The following SLC49A4 variants were observed in gnomAD, a reference collection of about 807,000 sequenced individuals.
SLC49A4 encodes the protein disrupted in renal cancer protein 2.
A neutral mutation model predicts 50.6 loss-of-function variants in SLC49A4; 36 were observed. That is an observed-to-expected ratio of 0.71 (90% confidence interval 0.55 to 0.94). The LOEUF is 0.94. SLC49A4 is among the 40% of genes least tolerant of loss of function. The pLI is 0.00. For synonymous variants in SLC49A4, 248 were observed against 241.2 expected, an observed-to-expected ratio of 1.03 and a Z score of -0.26; for missense variants, 503 against 605.7, an observed-to-expected ratio of 0.83 and a Z score of 1.78.
chr3:122,841,266 C>A (rs1936765492), intron 4 of SLC49A4, among the ~76,000 whole-genome samples: 1 of 152,186 alleles, frequency 6.6e-6, no homozygotes, highest in African/African-American at 2.4e-5. Context: ...TTATTTTGCT[C>A]TGCTGTAGCA....
At chr3:122,823,193 C>T (rs1178726090) in intron 2 of SLC49A4, among the ~76,000 whole-genome samples, 1 of 152,204 alleles carries the variant, frequency 6.6e-6, no homozygotes, top group Non-Finnish European at 1.5e-5. Context: ...AAGCCTGTTT[C>T]CCAGGCCTGC....
intron 2 of SLC49A4, among the ~76,000 whole-genome samples, chr3:122,823,350 G>A (rs1936479973): frequency 6.6e-6 from 1 of 152,234 alleles, no homozygotes; most frequent in Non-Finnish European, 1.5e-5. Flanking sequence ...TGATATATAG[G>A]CCAGGGCCAG....
chr3:122,881,022 A>C lies in SLC49A4; in HGVS notation c.*1644A>C, dbSNP rs1436511257. 6.6e-6 allele frequency: 1 copy of C among 152,220 alleles called. No homozygotes were observed. The highest frequency in any genetic ancestry group is 2.4e-5 in the African/African-American group (1 of 41,450). 9.4% of individuals were successfully genotyped at this position (152,220 alleles called of 1,614,324 possible). ...GTCTCTCTTTATAAACACTCTGCTC[A>C]CTTAGCAGAAGGACTGAAGGAACTA... On this transcript the variant is annotated 3_prime_UTR_variant, in exon 9 of 9. Coordinates refer to ENST00000261038, the MANE Select transcript of SLC49A4 (RefSeq NM_032839.3).
Position 122,879,583 on chromosome 3 carries a change from A to G in SLC49A4, c.*205A>G. 1 of 450,794 alleles carries G rather than the reference A, an allele frequency of 2.2e-6. No individual in the cohort carries two copies. The highest frequency in any genetic ancestry group is 3.9e-6 in the Non-Finnish European group (1 of 255,714). The allele number at this position is 450,794 out of a possible 1,614,324, so 27.9% of individuals were successfully genotyped here. ...ACTTGAGTGATAATAGGGGATTTTA[A>G]AACTCTACAGATGGCATACCTGTGC... is the stretch of plus-strand genomic sequence containing the variant. On this transcript the variant is annotated 3_prime_UTR_variant, in exon 9 of 9. Coordinates refer to ENST00000261038, the MANE Select transcript of SLC49A4 (RefSeq NM_032839.3).
intron 7 of SLC49A4, among the ~76,000 whole-genome samples, chr3:122,869,948 C>G (rs1373492576): frequency 6.6e-6 from 1 of 152,132 alleles, no homozygotes; most frequent in Non-Finnish European, 1.5e-5. Context: ...TTTAAAAAAT[C>G]ATTAAAGTCA....
chr3:122,850,161 T>G (rs971642882), intron 5 of SLC49A4, among the ~76,000 whole-genome samples: 2 of 152,196 alleles, frequency 1.3e-5, no homozygotes. Context: ...ATCGTCTATT[T>G]CAGAAAAATC....
intron 2 of SLC49A4, among the ~76,000 whole-genome samples, chr3:122,807,737 C>G (rs1936243072): frequency 1.3e-5 from 2 of 152,026 alleles, no homozygotes; most frequent in Non-Finnish European, 2.9e-5. Flanking sequence ...ATAAATTACT[C>G]AAGTTCGAGA....
At chr3:122,826,605 T>G (rs1231412210) in intron 2 of SLC49A4, among the ~76,000 whole-genome samples, 195 bp from the exon 3 acceptor site, 2 of 152,248 alleles carry the variant, frequency 1.3e-5, no homozygotes, top group Non-Finnish European at 2.9e-5. Context: ...ACTATTACTA[T>G]GTTTGATCCT....
Position 122,795,105 on chromosome 3 carries a change from C to G in SLC49A4, c.-88C>G. ...CGAGGGCGACCACAGCAGCCTCCGCCTCCTGCTGCTCAGGACTATTCTGCG... is the reference window on the plus strand; with the variant it reads ...CGAGGGCGACCACAGCAGCCTCCGCGTCCTGCTGCTCAGGACTATTCTGCG... On this transcript the variant is annotated 5_prime_UTR_variant, in exon 1 of 9. Coordinates refer to ENST00000261038, the MANE Select transcript of SLC49A4 (RefSeq NM_032839.3). 4.1e-6 allele frequency: 5 copies of G among 1,224,736 alleles called. No homozygotes were observed. Among genetic ancestry groups the G allele is most frequent in the Admixed American group, 4.3e-5 (1 of 23,382 alleles). The allele number at this position is 1,224,736 out of a possible 1,614,324, so 75.9% of individuals were successfully genotyped here.
At chr3:122,811,853 A>T (rs1321358028) in intron 2 of SLC49A4, among the ~76,000 whole-genome samples, 1 of 152,198 alleles carries the variant, frequency 6.6e-6, no homozygotes, top group African/African-American at 2.4e-5. Flanking sequence ...GAAGGGTATC[A>T]TTGGTTTTTT....
At chr3:122,832,596 T>G (rs1400550779) in intron 3 of SLC49A4, among the ~76,000 whole-genome samples, 2 of 152,190 alleles carry the variant, frequency 1.3e-5, no homozygotes, top group African/African-American at 4.8e-5. Flanking sequence ...TCCTGTTATT[T>G]CTTACCAGTT....
intron 5 of SLC49A4, among the ~76,000 whole-genome samples, chr3:122,849,917 G>A (rs560442936): frequency 6.6e-6 from 1 of 151,946 alleles, no homozygotes; most frequent in East Asian, 1.9e-4. Flanking sequence ...GTGTCCTGTA[G>A]TGTTCCCCCA....
At chr3:122,859,827 A>G (rs1937035331) in intron 6 of SLC49A4, among the ~76,000 whole-genome samples, 1 of 152,192 alleles carries the variant, frequency 6.6e-6, no homozygotes. Context: ...AAAAAAAAGT[A>G]AACACTCAGA....
rs192936529 is a variant in SLC49A4, at chr3:122,826,878, G to T, written c.516G>T (p.Thr172=). 2.5e-6 allele frequency: 4 copies of T among 1,614,024 alleles called. No homozygotes were observed. Among genetic ancestry groups the T allele is most frequent in the East Asian group, 2.2e-5 (1 of 44,900 alleles). ...ATGCAGCACCATTTCTCTCTACGAC[G>T]TGGTTTTCTGCAGATGAAAGGGCCA... The part of the protein sequence containing the change: ...VMNAAPFLST[T]WFSADERATA... The change falls in exon 3 of 9, where the codon ACG becomes ACT. Residue 172 remains threonine (T), a synonymous_variant. Transcript: ENST00000261038.
chr3:122,845,641 C>A (rs1423387996), intron 4 of SLC49A4, 122 bp from the exon 5 acceptor site: 4 of 175,478 alleles, frequency 2.3e-5, no homozygotes, highest in Non-Finnish European at 4.1e-5. Context: ...GTTTTTAATG[C>A]CATTCTGCAG....
At position 122,878,706 on chromosome 3, in the gene SLC49A4, T is replaced by C. The variant is rs146778811; in HGVS notation, c.1322-557T>C. Among the ~76,000 whole-genome samples the C allele has an allele frequency of 3.7e-3, 557 of 152,324 alleles. 21 individuals are homozygous for C. The highest frequency in any genetic ancestry group is 0.033 in the Admixed American group (501 of 15,292). ...ATAAGCCAAAATATTCACAGTGATC[T>C]CTCTGGGGACAGAATTATGATTGAT... On this transcript the variant is annotated intron_variant, in intron 8 of 8. Transcript: ENST00000261038.
chr3:122,878,341 C>T (rs1937291440), intron 8 of SLC49A4, among the ~76,000 whole-genome samples: 1 of 152,196 alleles, frequency 6.6e-6, no homozygotes, highest in Admixed American at 6.5e-5. Context: ...TCACCAACCT[C>T]TTTATGCCGA....
chr3:122,811,411 GA>G (rs886701427), intron 2 of SLC49A4, among the ~76,000 whole-genome samples: 1 of 152,144 alleles, frequency 6.6e-6, no homozygotes, highest in Non-Finnish European at 1.5e-5. Flanking sequence ...TGGCAAAGAT[GA>G]AAAAAATTGA....
intron 8 of SLC49A4, among the ~76,000 whole-genome samples, chr3:122,876,907 G>A (rs548916524): frequency 6.6e-6 from 1 of 152,320 alleles, no homozygotes; most frequent in African/African-American, 2.4e-5. Flanking sequence ...CGACTGCTGT[G>A]TAGTAGACAG....
Sources: allele counts gnomAD v4.1 joint callset (sites outside exome capture counted in the v4.1 genomes callset), GRCh38; gene constraint gnomAD v4.1.1; transcripts MANE v1.5; gene names NCBI Gene and HGNC (gene_info 2026-07-23, HGNC 2026-07-21).